SAMMSON: variants seen among roughly 807,000 people sequenced by gnomAD.
The protein encoded by SAMMSON is survival associated mitochondrial melanoma specific oncogenic non-coding RNA, also known as long intergenic non-protein coding RNA 1212.
chr3:70,326,823 T>C (rs2106720347), intron 7 of SAMMSON, among the ~76,000 whole-genome samples: 1 of 152,296 alleles, frequency 6.6e-6, no homozygotes, highest in African/African-American at 2.4e-5. Context: ...TCAGGCATCA[T>C]TGTACATATT....
intron 4 of SAMMSON, among the ~76,000 whole-genome samples, chr3:70,201,826 A>C (rs1448868855): frequency 6.6e-6 from 1 of 152,142 alleles, no homozygotes; most frequent in East Asian, 1.9e-4. Flanking sequence ...AGACTGGCAA[A>C]GATCATTTTC....
intron 3 of SAMMSON, among the ~76,000 whole-genome samples, chr3:70,019,414 T>C (rs1221972628): frequency 1.3e-5 from 2 of 152,158 alleles, no homozygotes; most frequent in African/African-American, 4.8e-5. Context: ...CCCCTGCCTT[T>C]TTTTGTTTTA....
chr3:70,220,454 C>T (rs1472327886), intron 4 of SAMMSON, among the ~76,000 whole-genome samples: 1 of 152,004 alleles, frequency 6.6e-6, no homozygotes, highest in Non-Finnish European at 1.5e-5. Context: ...AAAAAAATTA[C>T]TTCAAGTTAT....
intron 3 of SAMMSON, chr3:70,030,228 A>T (rs116741719): frequency 2.6e-5 from 4 of 152,204 alleles, no homozygotes; most frequent in Admixed American, 2.0e-4. Flanking sequence ...AAAATTTCAC[A>T]CATTATTTAT....
At chr3:70,275,088 T>C (rs1332106558) in intron 6 of SAMMSON, among the ~76,000 whole-genome samples, 1 of 152,202 alleles carries the variant, frequency 6.6e-6, no homozygotes, top group African/African-American at 2.4e-5. Flanking sequence ...ATTTATAACC[T>C]CCAAACAGAA....
At chr3:70,028,496 G>A (rs2067051708) in intron 3 of SAMMSON, among the ~76,000 whole-genome samples, 1 of 152,136 alleles carries the variant, frequency 6.6e-6, no homozygotes, top group Non-Finnish European at 1.5e-5. Context: ...TTGTGGGTAG[G>A]TGGCAAATTC....
At chr3:70,157,548 G>T (rs539206398) in intron 4 of SAMMSON, among the ~76,000 whole-genome samples, 1 of 152,176 alleles carries the variant, frequency 6.6e-6, no homozygotes, top group South Asian at 2.1e-4. Flanking sequence ...AGTAGTTTTG[G>T]TGGCAGGAGA....
intron 7 of SAMMSON, among the ~76,000 whole-genome samples, chr3:70,299,916 C>T (rs1415329246): frequency 6.6e-6 from 1 of 152,034 alleles, no homozygotes; most frequent in Non-Finnish European, 1.5e-5. Context: ...ATTTATTTCA[C>T]ACTCCCACAC....
intron 1 of SAMMSON, among the ~76,000 whole-genome samples, chr3:70,006,393 G>A (rs527769964): frequency 2.6e-5 from 4 of 152,142 alleles, no homozygotes; most frequent in African/African-American, 7.2e-5. Context: ...CCCTCATGGC[G>A]TTCTGTCCTT....
At chr3:70,170,579 C>CTTTTTTTTTT (rs538385626) in intron 4 of SAMMSON, among the ~76,000 whole-genome samples, 548 of 105,362 alleles carry the variant, frequency 5.2e-3, no homozygotes, top group Middle Eastern at 7.8e-3. Flanking sequence ...CTAGATTTTC[C>CTTTTTTTTTT]TTTTTTTTTT....
intron 1 of SAMMSON, among the ~76,000 whole-genome samples, chr3:70,007,747 T>C (rs1036700832): frequency 9.2e-5 from 14 of 152,122 alleles, no homozygotes; most frequent in Admixed American, 4.6e-4. Flanking sequence ...ATGGTATTGC[T>C]TAGATTTTCT....
chr3:70,238,204 C>T (rs1438556795), intron 4 of SAMMSON, among the ~76,000 whole-genome samples: 1 of 151,656 alleles, frequency 6.6e-6, no homozygotes, highest in African/African-American at 2.4e-5. Flanking sequence ...CCAGGCGTTC[C>T]CTGACACTTG....
chr3:70,188,307 A>G (rs1216000044), intron 4 of SAMMSON, among the ~76,000 whole-genome samples: 1 of 152,186 alleles, frequency 6.6e-6, no homozygotes, highest in Non-Finnish European at 1.5e-5. Context: ...CCTCATCAAT[A>G]AAATGGGGGT....
At chr3:70,065,801 G>A (rs1389988734) in intron 3 of SAMMSON, among the ~76,000 whole-genome samples, 6 of 152,038 alleles carry the variant, frequency 3.9e-5, no homozygotes, top group Non-Finnish European at 1.5e-5. Context: ...TGTTAATAGC[G>A]CCAAGGTGCA....
chr3:70,069,041 C>A (rs2067220520), intron 3 of SAMMSON: 1 of 152,066 alleles, frequency 6.6e-6, no homozygotes, highest in Non-Finnish European at 1.5e-5. Flanking sequence ...ATAACTTGCA[C>A]CCACTTAGTT....
intron 4 of SAMMSON, among the ~76,000 whole-genome samples, chr3:70,170,763 G>A (rs1328910830): frequency 6.6e-6 from 1 of 151,550 alleles, no homozygotes; most frequent in Non-Finnish European, 1.5e-5. Context: ...CAGAAGTCTT[G>A]GCATTTTCCA....
chr3:70,017,462 A>G (rs1208459582), intron 3 of SAMMSON, among the ~76,000 whole-genome samples: 2 of 152,106 alleles, frequency 1.3e-5, no homozygotes, highest in African/African-American at 4.8e-5. Context: ...GAAGTTGCCT[A>G]TCAGCTTAAG....
chr3:70,193,967 G>A (rs905737063), intron 4 of SAMMSON, among the ~76,000 whole-genome samples: 2 of 152,074 alleles, frequency 1.3e-5, no homozygotes, highest in African/African-American at 2.4e-5. Flanking sequence ...AGCGACTTTC[G>A]CTCTATTAAC....
chr3:70,018,710 TG>T (rs2066997897), intron 3 of SAMMSON, among the ~76,000 whole-genome samples: 1 of 152,130 alleles, frequency 6.6e-6, no homozygotes, highest in African/African-American at 2.4e-5. Context: ...CTTTCTCTTG[TG>T]GGCATTTAGT....
Sources: gnomAD v4.1 joint callset for allele counts (sites outside exome capture counted in the v4.1 genomes callset) on GRCh38, gnomAD v4.1.1 for gene constraint, MANE v1.5 for transcripts, NCBI Gene and HGNC (gene_info 2026-07-23, HGNC 2026-07-21) for gene names.